Variants in EXOC6B observed in about 807,000 individuals in gnomAD.
The protein encoded by EXOC6B is exocyst complex component 6B.
A neutral mutation model predicts 113.5 loss-of-function variants in EXOC6B; 54 were observed. The observed-to-expected ratio is 0.48, with a 90% CI of 0.38 to 0.60. The LOEUF (loss-of-function observed/expected upper bound fraction) is 0.60, where lower values mean the gene tolerates loss of function less well. Among genes scored for constraint, EXOC6B ranks in the 20% least tolerant of loss-of-function variants. The pLI is 0.00. For synonymous variants in EXOC6B, 357 were observed against 339.0 expected, an observed-to-expected ratio of 1.05 and a Z score of -0.58; for missense variants, 797 against 977.5, an observed-to-expected ratio of 0.82 and a Z score of 2.46.
chr2:72,443,658 A>G (rs1696369789), intron 18 of EXOC6B, among the ~76,000 whole-genome samples: 2 of 152,190 alleles, frequency 1.3e-5, no homozygotes, highest in Non-Finnish European at 2.9e-5. Context: ...ATCATGGCAG[A>G]AGGCGAAAGG....
intron 19 of EXOC6B, among the ~76,000 whole-genome samples, chr2:72,363,868 T>C (rs1295393004): frequency 1.3e-5 from 2 of 152,094 alleles, no homozygotes; most frequent in Non-Finnish European, 2.9e-5. Context: ...TCTATATTCT[T>C]AATGACTACA....
At chr2:72,609,974 G>A (rs1670976918) in intron 6 of EXOC6B, among the ~76,000 whole-genome samples, 1 of 152,008 alleles carries the variant, frequency 6.6e-6, no homozygotes, top group South Asian at 2.1e-4. Context: ...TTAAAGTGCT[G>A]AAGAAAAAAA....
At chr2:72,430,044 G>A (rs1406140095) in intron 18 of EXOC6B, among the ~76,000 whole-genome samples, 1 of 152,136 alleles carries the variant, frequency 6.6e-6, no homozygotes, top group African/African-American at 2.4e-5. Flanking sequence ...AGCTTTCCAA[G>A]AGAACTATTT....
chr2:72,481,603 G>A (rs1699101072), intron 16 of EXOC6B, among the ~76,000 whole-genome samples: 1 of 152,038 alleles, frequency 6.6e-6, no homozygotes, highest in South Asian at 2.1e-4. Flanking sequence ...AAAGAACATG[G>A]GCATCAAAGT....
intron 20 of EXOC6B, among the ~76,000 whole-genome samples, chr2:72,275,057 G>A (rs1684729065): frequency 6.6e-6 from 1 of 152,132 alleles, no homozygotes; most frequent in South Asian, 2.1e-4. Flanking sequence ...ATGAGTGACT[G>A]TCAAATAAAT....
At chr2:72,327,504 A>T (rs917435302) in intron 20 of EXOC6B, among the ~76,000 whole-genome samples, 1 of 152,074 alleles carries the variant, frequency 6.6e-6, no homozygotes. Context: ...TAGTAAGAGG[A>T]TAATGAATAG....
chr2:72,335,007 G>T lies in EXOC6B; in HGVS notation c.2136C>A (p.Ser712=), dbSNP rs763683533. ...DVRECEQFAR[S]GPVPGFQEDT... The stretch of plus-strand genomic sequence containing the variant: ...CCTCCTGGAACCCAGGCACCGGGCC[G>T]GATCTGGCAAACTCTGTGGGAAAGA... Residue 712 remains serine (S), a synonymous_variant, in exon 20 of 22, where the codon TCC becomes TCA. Transcript: ENST00000272427. 2 of 1,613,282 alleles carry T rather than the reference G, an allele frequency of 1.2e-6. No individual in the cohort carries two copies. Among genetic ancestry groups the T allele is most frequent in the South Asian group, 2.2e-5 (2 of 91,082 alleles).
chr2:72,758,977 T>C (rs900321065), intron 1 of EXOC6B, among the ~76,000 whole-genome samples: 14 of 152,210 alleles, frequency 9.2e-5, no homozygotes, highest in African/African-American at 2.9e-4. Context: ...AGTTTTACCC[T>C]CTGGACATGT....
At chr2:72,714,080 C>A (rs1211825174) in intron 6 of EXOC6B, among the ~76,000 whole-genome samples, 1 of 152,208 alleles carries the variant, frequency 6.6e-6, no homozygotes, top group African/African-American at 2.4e-5. Flanking sequence ...AGTCCTAGAT[C>A]TCTTGAGAGT....
intron 18 of EXOC6B, among the ~76,000 whole-genome samples, chr2:72,385,389 G>A (rs1691946140): frequency 1.3e-5 from 2 of 148,476 alleles, no homozygotes; most frequent in Non-Finnish European, 3.0e-5. Context: ...CATAAGACCT[G>A]AAACTATGAA....
intron 1 of EXOC6B, among the ~76,000 whole-genome samples, chr2:72,779,382 A>G (rs560432389): frequency 2.0e-5 from 3 of 152,032 alleles, no homozygotes; most frequent in Admixed American, 6.6e-5. Context: ...CATCATAAAT[A>G]CATTTGTTAT....
At chr2:72,657,567 C>CTTTTTTTTTTTTTTTTTTTTTTTT (rs70963136) in intron 6 of EXOC6B, among the ~76,000 whole-genome samples, 1 of 50,356 alleles carries the variant, frequency 2.0e-5, no homozygotes, top group Non-Finnish European at 3.2e-5. Context: ...CTTTCCTTTT[C>CTTTTTTTTTTTTTTTTTTTTTTTT]TTTTTTTTTT....
intron 6 of EXOC6B, among the ~76,000 whole-genome samples, chr2:72,679,593 A>C (rs1676543659): frequency 6.6e-6 from 1 of 152,216 alleles, no homozygotes; most frequent in South Asian, 2.1e-4. Flanking sequence ...AAAACTGGTA[A>C]TCCCATGAGA....
intron 1 of EXOC6B, among the ~76,000 whole-genome samples, chr2:72,749,783 A>C (rs1462161112): frequency 6.6e-6 from 1 of 151,886 alleles, no homozygotes; most frequent in Non-Finnish European, 1.5e-5. Flanking sequence ...TTAACAGAGA[A>C]AGACAAACCA....
chr2:72,198,284 C>G (rs1679290620), intron 20 of EXOC6B, among the ~76,000 whole-genome samples: 1 of 152,224 alleles, frequency 6.6e-6, no homozygotes. Context: ...GGAAAACCAA[C>G]AAAGCATTAA....
At position 72,513,272 on chromosome 2, in the gene EXOC6B, A is replaced by G. The variant is rs1459506013; in HGVS notation, c.1047-20T>C. On this transcript the variant is annotated intron_variant, in intron 10 of 21. Transcript: ENST00000272427. Reference sequence around the variant, plus strand: ...AAAAAGCTAAGATTGAGGAAAAAAGAAAGCACAGCTGTCAGAAATTACAGT... The same window carrying G: ...AAAAAGCTAAGATTGAGGAAAAAAGGAAGCACAGCTGTCAGAAATTACAGT... 1.9e-6 allele frequency: 3 copies of G among 1,612,080 alleles called. No individual in the cohort carries two copies. Among genetic ancestry groups the G allele is most frequent in the African/African-American group, 1.3e-5 (1 of 74,886 alleles).
At chr2:72,713,234 A>G (rs144669421) in intron 6 of EXOC6B, among the ~76,000 whole-genome samples, 16 of 152,264 alleles carry the variant, frequency 1.1e-4, no homozygotes, top group African/African-American at 3.6e-4. Flanking sequence ...GTAGAAGAAT[A>G]AAAAGAGGGA....
intron 20 of EXOC6B, among the ~76,000 whole-genome samples, chr2:72,205,464 C>A (rs1330945039): frequency 6.6e-6 from 1 of 151,848 alleles, no homozygotes; most frequent in East Asian, 1.9e-4. Context: ...GACCATGAAA[C>A]AATGAGACCT....
intron 6 of EXOC6B, among the ~76,000 whole-genome samples, chr2:72,670,787 G>A (rs1033870317): frequency 2.1e-4 from 32 of 151,962 alleles, no homozygotes; most frequent in Non-Finnish European, 4.4e-5. Flanking sequence ...TCTTTTGCTG[G>A]CTACTCTTTT....
Sources: gnomAD v4.1 joint callset for allele counts (sites outside exome capture counted in the v4.1 genomes callset) on GRCh38, gnomAD v4.1.1 for gene constraint, MANE v1.5 for transcripts, NCBI Gene and HGNC (gene_info 2026-07-23, HGNC 2026-07-21) for gene names.